The following GNAO1 variants were observed in gnomAD, a reference collection of about 807,000 sequenced individuals.
GNAO1 encodes guanine nucleotide-binding protein G(o) subunit alpha.
For synonymous variants in GNAO1, 164 were observed against 180.7 expected (o/e 0.91, Z 0.74); for missense variants, 166 against 478.7 (o/e 0.35, Z 6.10).
At chr16:56,263,219 T>C (rs1457134562) in intron 2 of GNAO1, among the ~76,000 whole-genome samples, 3 of 152,188 alleles carry the variant, frequency 2.0e-5, no homozygotes, top group African/African-American at 7.2e-5. Context: ...GAGAGAGATA[T>C]GTCCATCTGG....
chr16:56,278,500 G>A (rs1371484012), intron 3 of GNAO1, among the ~76,000 whole-genome samples: 1 of 152,212 alleles, frequency 6.6e-6, no homozygotes, highest in Non-Finnish European at 1.5e-5. Flanking sequence ...GGGCAGAAGA[G>A]AGTGGAAGCC....
chr16:56,220,197 G>A (rs1189006575), intron 2 of GNAO1, among the ~76,000 whole-genome samples: 1 of 152,156 alleles, frequency 6.6e-6, no homozygotes. Context: ...CAAGGCTCCT[G>A]AGTCCTAGCC....
In GNAO1 at chr16:56,209,832, C is replaced by G. The variant is rs537842986; in HGVS notation, c.161+17216C>G. Among the ~76,000 whole-genome samples, 259 of 152,160 alleles carry G rather than the reference C, an allele frequency of 1.7e-3. 1 individual carries two copies. The highest frequency in any genetic ancestry group is 5.9e-3 in the African/African-American group (246 of 41,504). On this transcript the variant is annotated intron_variant, in intron 2 of 8. Coordinates refer to ENST00000262493, the MANE Select transcript of GNAO1 (RefSeq NM_020988.3). ...TCCCCACACACATGCCCAGCCTCCC[C>G]CTTATCAGCAGTTCTCACCAGAGGG...
intron 2 of GNAO1, among the ~76,000 whole-genome samples, chr16:56,232,602 T>C (rs894455531): frequency 4.6e-5 from 7 of 152,226 alleles, no homozygotes; most frequent in African/African-American, 1.7e-4. Context: ...GAACTCTTTT[T>C]GCATGAAAAA....
intron 6 of GNAO1, among the ~76,000 whole-genome samples, chr16:56,348,594 CT>C (rs1256930220): frequency 6.6e-6 from 1 of 152,226 alleles, no homozygotes; most frequent in East Asian, 1.9e-4. Flanking sequence ...ACTTCTTTCT[CT>C]TTTCTCAAAT....
At chr16:56,252,645 A>G (rs2036809751) in intron 2 of GNAO1, among the ~76,000 whole-genome samples, 1 of 152,318 alleles carries the variant, frequency 6.6e-6, no homozygotes, top group Middle Eastern at 3.4e-3. Flanking sequence ...CGTCTGGCAC[A>G]GGGTATTTGC....
chr16:56,246,029 C>T (rs188719509), intron 2 of GNAO1, among the ~76,000 whole-genome samples: 97 of 152,258 alleles, frequency 6.4e-4, no homozygotes, highest in Non-Finnish European at 1.1e-3. Context: ...GAGATCTCTG[C>T]AGGGCCCCTG....
intron 2 of GNAO1, among the ~76,000 whole-genome samples, chr16:56,231,028 C>T (rs1416913737): frequency 6.6e-6 from 1 of 152,192 alleles, no homozygotes; most frequent in East Asian, 1.9e-4. Flanking sequence ...TCTGGTTAAT[C>T]CCCACCCTGT....
intron 2 of GNAO1, among the ~76,000 whole-genome samples, chr16:56,256,292 T>G (rs1026905595): frequency 1.3e-5 from 2 of 152,162 alleles, no homozygotes; most frequent in African/African-American, 4.8e-5. Flanking sequence ...AGCCCACTGG[T>G]TCAGCCACTT....
intron 2 of GNAO1, among the ~76,000 whole-genome samples, chr16:56,242,531 C>A (rs2036703481): frequency 6.6e-6 from 1 of 152,112 alleles, no homozygotes; most frequent in African/African-American, 2.4e-5. Context: ...CTATGACCAA[C>A]TGATCTTTGA....
chr16:56,239,409 G>T (rs1174269544), intron 2 of GNAO1, among the ~76,000 whole-genome samples: 1 of 152,118 alleles, frequency 6.6e-6, no homozygotes, highest in Non-Finnish European at 1.5e-5. Context: ...AGGCCACTTG[G>T]GTCACTGTCT....
At chr16:56,256,734 G>C (rs1268989041) in intron 2 of GNAO1, among the ~76,000 whole-genome samples, 50 of 149,626 alleles carry the variant, frequency 3.3e-4, no homozygotes, top group African/African-American at 1.2e-3. Context: ...GTGTGTGTGT[G>C]TGTGTGTGTG....
At chr16:56,352,452 A>C (rs2037932845) in intron 7 of GNAO1, 1 of 152,374 alleles carries the variant, frequency 6.6e-6, no homozygotes. Flanking sequence ...TTGCCTTTGC[A>C]GACTACAGAG....
chr16:56,279,125 A>C (rs2587877), intron 3 of GNAO1, among the ~76,000 whole-genome samples: 9,675 of 151,836 alleles, frequency 0.064, 334 homozygotes, highest in African/African-American at 0.073. Flanking sequence ...CACTCCCAGC[A>C]CCTGCCGGGG....
rs539589636 is a variant in GNAO1 at position 56,309,172 on chromosome 16, C to T, written c.304-19459C>T. On this transcript the variant is annotated intron_variant, in intron 3 of 8. Transcript: ENST00000262493. ...GACAGGCAGGGTGGGCTCCCTCTTG[C>T]TCCTTCCCAGCTCCCTTCTACGAGG... Among the ~76,000 whole-genome samples the T allele has an allele frequency of 2.6e-5, 4 of 152,150 alleles. No homozygotes were observed. The South Asian group carries it at 8.3e-4, about 32-fold the overall frequency.
At chr16:56,284,988 G>C (rs2037151172) in intron 3 of GNAO1, among the ~76,000 whole-genome samples, 1 of 152,210 alleles carries the variant, frequency 6.6e-6, no homozygotes, top group African/African-American at 2.4e-5. Context: ...CAGGGCTCCA[G>C]CACATTGGCC....
At chr16:56,333,645 G>A (rs1322487870) in intron 4 of GNAO1, among the ~76,000 whole-genome samples, 4 of 152,254 alleles carry the variant, frequency 2.6e-5, no homozygotes, top group Non-Finnish European at 4.4e-5. Context: ...CCTAGCTGGC[G>A]AAGTCATCTG....
chr16:56,286,809 T>C (rs1303217514), intron 3 of GNAO1, among the ~76,000 whole-genome samples: 3 of 151,910 alleles, frequency 2.0e-5, no homozygotes, highest in Admixed American at 6.6e-5. Context: ...CCAAGGGGGC[T>C]GAGGGGTTCC....
chr16:56,282,081 C>T (rs2037119941), intron 3 of GNAO1, among the ~76,000 whole-genome samples: 1 of 152,200 alleles, frequency 6.6e-6, no homozygotes, highest in East Asian at 1.9e-4. Flanking sequence ...TTTCTCTCAA[C>T]TATAAACTCC....
Sources: allele counts gnomAD v4.1 joint callset (sites outside exome capture counted in the v4.1 genomes callset), GRCh38; gene constraint gnomAD v4.1.1; transcripts MANE v1.5; gene names NCBI Gene and HGNC (gene_info 2026-07-23, HGNC 2026-07-21).